DOK6: variants seen among roughly 807,000 people sequenced by gnomAD.
The protein encoded by DOK6 is downstream of tyrosine kinase 6.
DOK6 carries 22 observed loss-of-function variants against 44.0 expected under a neutral mutation model. The observed-to-expected ratio is 0.50, with a 90% CI of 0.36 to 0.71. The LOEUF is 0.71. Among genes scored for constraint, DOK6 ranks in the 30% least tolerant of loss-of-function variants. DOK6 has a pLI of 0.00. For missense variants in DOK6, 340 were observed against 416.4 expected (o/e 0.82, Z 1.60); for synonymous variants, 166 against 145.5 (o/e 1.14, Z -1.01).
intron 1 of DOK6, among the ~76,000 whole-genome samples, chr18:69,479,521 C>A (rs568002564): frequency 1.3e-4 from 20 of 152,238 alleles, no homozygotes. Context: ...TTTTACTTTG[C>A]TGCAGATGTG....
At chr18:69,666,059 T>A (rs1568327207) in intron 3 of DOK6, among the ~76,000 whole-genome samples, 3 of 152,238 alleles carry the variant, frequency 2.0e-5, no homozygotes, top group African/African-American at 7.2e-5. Context: ...GGTATTGACT[T>A]GGAGTTGCGA....
intron 7 of DOK6, among the ~76,000 whole-genome samples, chr18:69,817,567 G>C (rs1396027184): frequency 6.6e-6 from 1 of 152,182 alleles, no homozygotes; most frequent in East Asian, 1.9e-4. Context: ...GTCATGGAGA[G>C]AGAGAGGAGA....
chr18:69,779,522 C>T (rs1323304528), intron 7 of DOK6, among the ~76,000 whole-genome samples: 1 of 151,716 alleles, frequency 6.6e-6, no homozygotes, highest in African/African-American at 2.4e-5. Flanking sequence ...GTTATGCTTG[C>T]TATTTATTAA....
chr18:69,459,104 C>CA (rs1979712657), intron 1 of DOK6, among the ~76,000 whole-genome samples: 1 of 137,020 alleles, frequency 7.3e-6, no homozygotes, highest in African/African-American at 2.7e-5. Flanking sequence ...CAACAACCCC[C>CA]CCCCCAAAAA....
intron 1 of DOK6, among the ~76,000 whole-genome samples, chr18:69,523,033 A>G (rs1038121151): frequency 1.3e-5 from 2 of 152,120 alleles, no homozygotes; most frequent in African/African-American, 4.8e-5. Flanking sequence ...AGGAAGATCT[A>G]GAAAGTGGGA....
At chr18:69,415,623 G>A (rs941404118) in intron 1 of DOK6, among the ~76,000 whole-genome samples, 22 of 152,000 alleles carry the variant, frequency 1.4e-4, no homozygotes, top group Admixed American at 1.1e-3. Context: ...GCAGATAGCC[G>A]TATTGATATA....
At chr18:69,441,420 G>A (rs12457326) in intron 1 of DOK6, among the ~76,000 whole-genome samples, 19,148 of 152,028 alleles carry the variant, frequency 0.13, 1,618 homozygotes, top group South Asian at 0.28. Context: ...AAAACATTAG[G>A]AGACTAGAGA....
At position 69,700,308 on chromosome 18, in the gene DOK6, ACCT is replaced by A. The variant is rs372632786; in HGVS notation, c.599+1718_599+1720del. On this transcript the variant is annotated intron_variant, in intron 5 of 7. Coordinates refer to ENST00000382713, the MANE Select transcript of DOK6 (RefSeq NM_152721.6). ...CGTTTTTGCATCATTTACCAGCACT[ACCT>A]CCAGGATCCCTTCCCTTGGATCCTT... 1.7e-3 allele frequency among the ~76,000 whole-genome samples: 255 copies of A among 149,340 alleles called. 7 individuals carry two copies. The South Asian group carries it at 0.049, about 29-fold the overall frequency.
At chr18:69,827,828 C>T (rs150016873) in intron 7 of DOK6, among the ~76,000 whole-genome samples, 1,525 of 151,926 alleles carry the variant, frequency 0.01, 23 homozygotes, top group African/African-American at 0.035. Flanking sequence ...GTATATATTG[C>T]GCAGAGAAGT....
intron 4 of DOK6, among the ~76,000 whole-genome samples, chr18:69,697,173 T>A (rs1986407644): frequency 6.6e-6 from 1 of 152,194 alleles, no homozygotes; most frequent in Admixed American, 6.5e-5. Flanking sequence ...GTAAAATATC[T>A]GCCAGAGAGA....
At chr18:69,501,763 A>G (rs1981056077) in intron 1 of DOK6, among the ~76,000 whole-genome samples, 1 of 152,174 alleles carries the variant, frequency 6.6e-6, no homozygotes. Flanking sequence ...TTCATTTTTT[A>G]AATTTCCCAC....
chr18:69,672,515 C>G (rs1025180330), intron 3 of DOK6, among the ~76,000 whole-genome samples: 1 of 152,152 alleles, frequency 6.6e-6, no homozygotes, highest in Non-Finnish European at 1.5e-5. Flanking sequence ...CGCAGCACCG[C>G]GCCCGGCTAA....
intron 7 of DOK6, among the ~76,000 whole-genome samples, chr18:69,762,717 C>T (rs537808737): frequency 6.6e-6 from 1 of 152,132 alleles, no homozygotes; most frequent in Non-Finnish European, 1.5e-5. Context: ...AAATGCATGG[C>T]GTGGTAACAA....
intron 1 of DOK6, among the ~76,000 whole-genome samples, chr18:69,496,846 C>G (rs1356860957): frequency 1.3e-5 from 2 of 152,124 alleles, no homozygotes; most frequent in East Asian, 3.9e-4. Context: ...GCTTCCAGAA[C>G]TCATTCTGTG....
intron 1 of DOK6, among the ~76,000 whole-genome samples, chr18:69,547,703 C>A (rs1210337095): frequency 2.0e-5 from 3 of 150,984 alleles, no homozygotes; most frequent in African/African-American, 4.8e-5. Flanking sequence ...TTCATCCACC[C>A]TCATCCATAC....
chr18:69,767,230 T>C (rs529581304), intron 7 of DOK6, among the ~76,000 whole-genome samples: 1 of 151,896 alleles, frequency 6.6e-6, no homozygotes, highest in East Asian at 1.9e-4. Context: ...AGAAAGTCTA[T>C]CTCAAAAGAA....
At chr18:69,608,179 T>C (rs553391142) in intron 3 of DOK6, among the ~76,000 whole-genome samples, 3 of 152,224 alleles carry the variant, frequency 2.0e-5, no homozygotes, top group Non-Finnish European at 4.4e-5. Flanking sequence ...TTTGATTTGA[T>C]GTTTGGATGT....
intron 5 of DOK6, among the ~76,000 whole-genome samples, chr18:69,738,035 G>A (rs1309104355): frequency 1.3e-5 from 2 of 152,202 alleles, no homozygotes. Context: ...ATTTCACGCT[G>A]TGTGAATTTT....
chr18:69,439,709 G>A (rs780226710), intron 1 of DOK6, among the ~76,000 whole-genome samples: 24 of 152,158 alleles, frequency 1.6e-4, no homozygotes, highest in Admixed American at 1.4e-3. Flanking sequence ...ATTAGAGTGA[G>A]GGCCTTGTTC....
Sources: allele counts gnomAD v4.1 joint callset (sites outside exome capture counted in the v4.1 genomes callset), GRCh38; gene constraint gnomAD v4.1.1; transcripts MANE v1.5; gene names NCBI Gene and HGNC (gene_info 2026-07-23, HGNC 2026-07-21).